Variants in TANC2 observed in about 807,000 individuals in gnomAD.
TANC2 encodes the protein tetratricopeptide repeat, ankyrin repeat and coiled-coil containing 2.
A neutral mutation model predicts 210.5 loss-of-function variants in TANC2; 26 were observed. The ratio of observed to expected loss-of-function variants is 0.12; its 90% confidence interval spans 0.09 to 0.17. The LOEUF (loss-of-function observed/expected upper bound fraction) is 0.17, where lower values mean the gene tolerates loss of function less well. TANC2 is among the 10% of genes least tolerant of loss of function. TANC2 has a pLI of 1.00. For missense variants in TANC2, 2,129 were observed against 2,608.9 expected, an observed-to-expected ratio of 0.82 and a Z score of 4.01; for synonymous variants, 931 against 967.1, an observed-to-expected ratio of 0.96 and a Z score of 0.69.
At chr17:63,368,027 T>C (rs2047160751) in intron 14 of TANC2, among the ~76,000 whole-genome samples, 1 of 152,152 alleles carries the variant, frequency 6.6e-6, no homozygotes, top group African/African-American at 2.4e-5. Context: ...ATAGCAACAG[T>C]CTAGGTGAGG....
rs181254634 is a variant in TANC2 at position 63,083,940 on chromosome 17, C to T, written c.139+9926C>T. ...GCACGTACGTTCATGAGAGAAATTT[C>T]TGTAGTGTTCTTGTTGTATCTGTCT... is the stretch of plus-strand genomic sequence containing the variant. On this transcript the variant is annotated intron_variant, in intron 3 of 27. Coordinates refer to ENST00000689528, the Ensembl canonical transcript of TANC2. Among the ~76,000 whole-genome samples the T allele has an allele frequency of 7.5e-3, 1,146 of 152,230 alleles. 6 individuals carry two copies. Among genetic ancestry groups the T allele is most frequent in the Non-Finnish European group, 0.013 (852 of 68,016 alleles).
In TANC2 at chr17:63,320,970, G is replaced by A. The variant is rs1174737139; in HGVS notation, c.1575+1880G>A. On this transcript the variant is annotated intron_variant, in intron 11 of 27. Coordinates refer to ENST00000689528, the Ensembl canonical transcript of TANC2. The stretch of plus-strand genomic sequence containing the variant: ...TCCCAGCACTTTGGGAAGCCAAGGT[G>A]GGTGGATCATCTGAGGTCAGGAGTT... Among the ~76,000 whole-genome samples, 2 of 152,246 alleles carry A rather than the reference G, an allele frequency of 1.3e-5. 1 individual carries two copies.
At chr17:63,134,601 A>G (rs1305923701) in intron 4 of TANC2, among the ~76,000 whole-genome samples, 1 of 152,186 alleles carries the variant, frequency 6.6e-6, no homozygotes, top group Non-Finnish European at 1.5e-5. Flanking sequence ...AAAAATAAAT[A>G]CTAATTATTT....
chr17:62,968,124 G>T (rs1199474013), intron 1 of TANC2, among the ~76,000 whole-genome samples: 1 of 152,144 alleles, frequency 6.6e-6, no homozygotes, highest in Non-Finnish European at 1.5e-5. Flanking sequence ...AGGATTGTCA[G>T]AACATAGCTG....
intron 4 of TANC2, among the ~76,000 whole-genome samples, chr17:63,126,208 A>T (rs2038701529): frequency 6.6e-6 from 1 of 152,172 alleles, no homozygotes; most frequent in South Asian, 2.1e-4. Flanking sequence ...TTATATCCTC[A>T]GTCTTTAGCA....
intron 2 of TANC2, among the ~76,000 whole-genome samples, chr17:63,034,842 C>T (rs2034909502): frequency 6.6e-6 from 1 of 152,134 alleles, no homozygotes; most frequent in Non-Finnish European, 1.5e-5. Context: ...AAGTTACTTA[C>T]AGATGTGCAG....
At chr17:63,245,043 A>G (rs2042878624) in intron 8 of TANC2, among the ~76,000 whole-genome samples, 2 of 152,140 alleles carry the variant, frequency 1.3e-5, no homozygotes, top group Admixed American at 1.3e-4. Context: ...GCAGTGTGAA[A>G]ATGGACTAAT....
At chr17:63,051,821 G>T (rs1429665017) in intron 2 of TANC2, among the ~76,000 whole-genome samples, 2 of 152,126 alleles carry the variant, frequency 1.3e-5, no homozygotes, top group Non-Finnish European at 2.9e-5. Context: ...AGGTGATTTT[G>T]CCCAACTGTA....
At chr17:63,092,385 A>T (rs76863652) in intron 3 of TANC2, among the ~76,000 whole-genome samples, 2 of 144,758 alleles carry the variant, frequency 1.4e-5, no homozygotes, top group African/African-American at 5.0e-5. Flanking sequence ...TTTTGCTGGT[A>T]TTTTTTTTTT....
chr17:63,018,345 C>T (rs1356633830), intron 2 of TANC2, among the ~76,000 whole-genome samples: 1 of 151,132 alleles, frequency 6.6e-6, no homozygotes, highest in African/African-American at 2.4e-5. Context: ...CAAAAATTAG[C>T]TGGCACACGC....
At chr17:63,413,478 C>T (rs1174107520) in intron 24 of TANC2, 65 bp from the exon 25 acceptor site, 2 of 1,311,512 alleles carry the variant, frequency 1.5e-6, no homozygotes, top group African/African-American at 1.5e-5. Flanking sequence ...ATTTTTTTCA[C>T]CTAGCTTCCT....
chr17:63,165,741 A>G (rs1398867258), intron 5 of TANC2, among the ~76,000 whole-genome samples: 2 of 152,222 alleles, frequency 1.3e-5, no homozygotes, highest in Admixed American at 6.5e-5. Context: ...CAGTGTATCA[A>G]TGCCTTTCTT....
At chr17:63,388,048 C>CT (rs2047842004) in intron 15 of TANC2, 1 of 152,624 alleles carries the variant, frequency 6.6e-6, no homozygotes, top group Admixed American at 6.5e-5. Flanking sequence ...CTAAAATCAC[C>CT]TTGGGCCTCA....
At chr17:63,304,760 G>A (rs1169138711) in intron 9 of TANC2, among the ~76,000 whole-genome samples, 1 of 152,156 alleles carries the variant, frequency 6.6e-6, no homozygotes, top group Non-Finnish European at 1.5e-5. Context: ...GGAGATTAGA[G>A]TTCTATCCCT....
At chr17:63,405,138 C>T (rs775385773) in exon 20 of TANC2, 10 of 1,612,712 alleles carry the variant, frequency 6.2e-6, no homozygotes, top group African/African-American at 5.3e-5. Flanking sequence ...CAGCTGCAGC[C>T]GGAAGGGGCA....
chr17:63,329,340 C>CA (rs1184830145), intron 11 of TANC2, among the ~76,000 whole-genome samples: 2 of 151,824 alleles, frequency 1.3e-5, no homozygotes, highest in African/African-American at 4.8e-5. Flanking sequence ...AGACAACTCA[C>CA]AAAAAAGATT....
intron 4 of TANC2, among the ~76,000 whole-genome samples, chr17:63,136,530 G>C (rs1267803993): frequency 6.6e-6 from 1 of 152,140 alleles, no homozygotes; most frequent in African/African-American, 2.4e-5. Context: ...AATAGTACTT[G>C]CTCTGTGCCT....
chr17:63,004,875 C>G (rs766059358), intron 1 of TANC2: 140 of 321,148 alleles, frequency 4.4e-4, no homozygotes, highest in Non-Finnish European at 6.1e-4. Flanking sequence ...GTTTAGCAGA[C>G]AACCTTGTGG....
intron 21 of TANC2, among the ~76,000 whole-genome samples, chr17:63,410,942 A>G (rs1002058773): frequency 6.6e-6 from 1 of 152,006 alleles, no homozygotes; most frequent in Non-Finnish European, 1.5e-5. Flanking sequence ...TAGTATACAT[A>G]AAAAGAAATA....
Sources: allele counts gnomAD v4.1 joint callset (sites outside exome capture counted in the v4.1 genomes callset), GRCh38; gene constraint gnomAD v4.1.1; transcripts MANE v1.5; gene names NCBI Gene and HGNC (gene_info 2026-07-23, HGNC 2026-07-21).